The following PTPN13 variants were observed in gnomAD, a reference collection of about 807,000 sequenced individuals.
PTPN13 encodes tyrosine-protein phosphatase non-receptor type 13.
A neutral mutation model predicts 284.0 loss-of-function variants in PTPN13; 191 were observed. The observed-to-expected ratio is 0.67, with a 90% CI of 0.60 to 0.76. The LOEUF (loss-of-function observed/expected upper bound fraction) is 0.76. PTPN13 is among the 30% of genes least tolerant of loss of function. The pLI is 0.00. For missense variants in PTPN13, 2,797 were observed against 2,939.9 expected (o/e 0.95, Z 1.12); for synonymous variants, 986 against 1,022.3 (o/e 0.96, Z 0.68).
intron 31 of PTPN13, among the ~76,000 whole-genome samples, chr4:86,772,333 T>C (rs2149277091): frequency 6.6e-6 from 1 of 152,230 alleles, no homozygotes; most frequent in East Asian, 1.9e-4. Flanking sequence ...GCAGGTAGAT[T>C]GCCTGAGCTC....
chr4:86,662,774 C>A (rs1164766324), intron 2 of PTPN13, among the ~76,000 whole-genome samples: 2 of 152,250 alleles, frequency 1.3e-5, no homozygotes, highest in East Asian at 1.9e-4. Flanking sequence ...ATTCCATGAC[C>A]TTGAGGTACT....
chr4:86,699,155 AGGTG>A (rs1730871245), intron 6 of PTPN13, among the ~76,000 whole-genome samples: 1 of 152,112 alleles, frequency 6.6e-6, no homozygotes, highest in Admixed American at 6.6e-5. Context: ...TGGGAGGCTG[AGGTG>A]GGCAGATCAC....
At chr4:86,797,217 C>T (rs1419877453) in intron 41 of PTPN13, among the ~76,000 whole-genome samples, 1 of 151,582 alleles carries the variant, frequency 6.6e-6, no homozygotes, top group Non-Finnish European at 1.5e-5. Flanking sequence ...AGAACCCAGG[C>T]ATGGTGTCTC....
chr4:86,628,220 AG>A (rs1188398425), intron 1 of PTPN13, among the ~76,000 whole-genome samples: 1 of 152,146 alleles, frequency 6.6e-6, no homozygotes, highest in East Asian at 1.9e-4. Context: ...GTCAATACTT[AG>A]TATGCTTTGT....
chr4:86,654,830 T>G (rs2148821639), intron 2 of PTPN13, among the ~76,000 whole-genome samples: 1 of 152,320 alleles, frequency 6.6e-6, no homozygotes, highest in East Asian at 1.9e-4. Flanking sequence ...TGTCTAATGT[T>G]GACAGTGGGG....
intron 5 of PTPN13, among the ~76,000 whole-genome samples, chr4:86,691,176 A>G (rs1011579386): frequency 6.6e-6 from 1 of 151,808 alleles, no homozygotes; most frequent in Non-Finnish European, 1.5e-5. Context: ...GTAGTGAGGC[A>G]TGATTGCACC....
intron 2 of PTPN13, among the ~76,000 whole-genome samples, chr4:86,666,772 G>A (rs557126432): frequency 1.3e-5 from 2 of 152,236 alleles, no homozygotes; most frequent in Admixed American, 1.3e-4. Context: ...TACATAGCAC[G>A]TGGTAAAGGG....
intron 2 of PTPN13, among the ~76,000 whole-genome samples, chr4:86,650,267 A>G (rs1334340786): frequency 1.3e-5 from 2 of 152,088 alleles, no homozygotes; most frequent in African/African-American, 4.8e-5. Context: ...GATTACAGGC[A>G]TGAGCTACAA....
intron 1 of PTPN13, among the ~76,000 whole-genome samples, chr4:86,616,166 AAG>A (rs1720520998): frequency 6.6e-6 from 1 of 152,210 alleles, no homozygotes; most frequent in Non-Finnish European, 1.5e-5. Context: ...CAGTTAACAA[AAG>A]AGACAAAATC....
chr4:86,634,140 G>A (rs545383201), intron 1 of PTPN13, among the ~76,000 whole-genome samples: 1 of 152,256 alleles, frequency 6.6e-6, no homozygotes, highest in East Asian at 1.9e-4. Context: ...AGCTTGTCTT[G>A]TTAGTTGAGT....
intron 2 of PTPN13, among the ~76,000 whole-genome samples, chr4:86,666,197 A>G (rs978240826): frequency 4.6e-5 from 7 of 152,198 alleles, no homozygotes; most frequent in Admixed American, 3.3e-4. Flanking sequence ...ATGAGACTAC[A>G]TACTAAATTA....
At chr4:86,609,093 A>G (rs906165483) in intron 1 of PTPN13, among the ~76,000 whole-genome samples, 21 of 152,200 alleles carry the variant, frequency 1.4e-4, no homozygotes, top group Non-Finnish European at 3.1e-4. Flanking sequence ...TAGTTGGAGA[A>G]GTGGACTTTG....
intron 37 of PTPN13, among the ~76,000 whole-genome samples, chr4:86,783,332 GTCT>G (rs976325958): frequency 1.3e-5 from 2 of 152,120 alleles, no homozygotes; most frequent in Non-Finnish European, 2.9e-5. Context: ...TATTCAGAAT[GTCT>G]TCAATTTCAC....
At position 86,758,941 on chromosome 4, in the gene PTPN13, G is replaced by A. The variant is rs1224114425; in HGVS notation, c.3422-1G>A. On this transcript the variant is annotated splice_acceptor_variant, in intron 22 of 47. Transcript: ENST00000411767. LOFTEE classifies it high-confidence loss of function. ...AAATACTGGATTGTCTATTTGTACA[G>A]GAGACCGTTTGATATCTGTGAATAG... 5 of 1,612,226 alleles carry A rather than the reference G, an allele frequency of 3.1e-6. No homozygotes were observed. Among genetic ancestry groups the A allele is most frequent in the Non-Finnish European group, 3.4e-6 (4 of 1,179,348 alleles).
intron 7 of PTPN13, among the ~76,000 whole-genome samples, chr4:86,708,255 G>T (rs1020651992): frequency 1.3e-5 from 2 of 152,158 alleles, no homozygotes; most frequent in Non-Finnish European, 2.9e-5. Flanking sequence ...TATTAGGTCA[G>T]TATAAAATAC....
At chr4:86,786,671 G>A (rs891595209) in intron 40 of PTPN13, among the ~76,000 whole-genome samples, 14 of 152,246 alleles carry the variant, frequency 9.2e-5, no homozygotes, top group African/African-American at 3.4e-4. Flanking sequence ...GCTCTTTAGA[G>A]AAGATTTTCT....
intron 3 of PTPN13, among the ~76,000 whole-genome samples, chr4:86,684,970 C>T (rs921524990): frequency 2.0e-5 from 3 of 152,138 alleles, no homozygotes; most frequent in African/African-American, 4.8e-5. Context: ...CTCTAGCAGC[C>T]TCCCCGTGTG....
chr4:86,671,279 A>G (rs1489720317), intron 2 of PTPN13, among the ~76,000 whole-genome samples: 1 of 152,220 alleles, frequency 6.6e-6, no homozygotes, highest in Non-Finnish European at 1.5e-5. Flanking sequence ...AGGAAAGTAT[A>G]GATACTGTAT....
intron 17 of PTPN13, among the ~76,000 whole-genome samples, chr4:86,746,902 A>AT (rs1291153524): frequency 5.9e-5 from 9 of 152,080 alleles, no homozygotes; most frequent in Admixed American, 2.0e-4. Flanking sequence ...CTCAGTAATG[A>AT]TTTTTACACA....
Sources: gnomAD v4.1 joint callset for allele counts (sites outside exome capture counted in the v4.1 genomes callset) on GRCh38, gnomAD v4.1.1 for gene constraint, MANE v1.5 for transcripts, NCBI Gene and HGNC (gene_info 2026-07-23, HGNC 2026-07-21) for gene names.